Variants in PIK3C2G observed in about 807,000 individuals in gnomAD.
The protein encoded by PIK3C2G is phosphatidylinositol-4-phosphate 3-kinase catalytic subunit type 2 gamma.
Under a neutral mutation model 181.1 loss-of-function variants are expected in PIK3C2G, and 168 were observed. That is an observed-to-expected ratio of 0.93 (90% CI 0.82 to 1.05). PIK3C2G has a LOEUF of 1.05. Among genes scored for constraint, PIK3C2G ranks in the 50% least tolerant of loss-of-function variants. The probability of loss-of-function intolerance (pLI) is 0.00; values close to 1 mark genes in which losing one functional copy is unlikely to be tolerated. For missense variants in PIK3C2G, 1,869 were observed against 1,732.8 expected (o/e 1.08, Z -1.40); for synonymous variants, 573 against 592.2 (o/e 0.97, Z 0.47).
At chr12:18,536,135 A>T (rs1223447932) in intron 24 of PIK3C2G, among the ~76,000 whole-genome samples, 1 of 152,122 alleles carries the variant, frequency 6.6e-6, no homozygotes, top group Admixed American at 6.6e-5. Context: ...AAATTCAAAG[A>T]TCCACTTACG....
chr12:18,696,348 A>ATATATATATATATATATATC, the PIK3C2G span: 65 of 214,280 alleles, frequency 3.0e-4, 1 homozygote, highest in East Asian at 4.0e-3. Flanking sequence ...ATATATATAT[A>ATATATATATATATATATATC]TATCATATAA....
At position 18,615,758 on chromosome 12, in the gene PIK3C2G, C is replaced by G. The variant is rs775791746; in HGVS notation, c.4182+6129C>G. ...TCTCCATTGATTCATCTATGGGTTA[C>G]TTTGATTGGCTGCTATAATATTCCT... On this transcript the variant is annotated intron_variant, in intron 31 of 32. Transcript: ENST00000538779. Among the ~76,000 whole-genome samples the G allele has an allele frequency of 4.6e-5, 7 of 152,100 alleles. No individual in the cohort carries two copies. In the East Asian group the frequency reaches 1.4e-3, roughly 29 times the overall value.
At chr12:18,617,807 A>G (rs985281947) in intron 31 of PIK3C2G, among the ~76,000 whole-genome samples, 9 of 152,134 alleles carry the variant, frequency 5.9e-5, no homozygotes, top group Admixed American at 5.2e-4. Context: ...TAGCGGAGAC[A>G]TTACCTAGCT....
intron 5 of PIK3C2G, among the ~76,000 whole-genome samples, chr12:18,302,589 A>G (rs1004740592): frequency 1.3e-5 from 2 of 152,072 alleles, no homozygotes; most frequent in Admixed American, 1.3e-4. Context: ...GCACCAGTAG[A>G]AGCAGGCAGA....
chr12:18,352,276 A>T (rs1387872982), intron 11 of PIK3C2G, among the ~76,000 whole-genome samples: 1 of 152,248 alleles, frequency 6.6e-6, no homozygotes, highest in Non-Finnish European at 1.5e-5. Flanking sequence ...AGAAGTGAGT[A>T]TACTTCAGTG....
chr12:18,273,029 C>T (rs1049229645), intron 1 of PIK3C2G, among the ~76,000 whole-genome samples: 2 of 138,706 alleles, frequency 1.4e-5, no homozygotes, highest in Non-Finnish European at 3.3e-5. Context: ...CACACAAACA[C>T]ACACACACAG....
At chr12:18,469,002 T>G (rs1222442872) in intron 18 of PIK3C2G, among the ~76,000 whole-genome samples, 1 of 152,128 alleles carries the variant, frequency 6.6e-6, no homozygotes, top group African/African-American at 2.4e-5. Context: ...CATGATTTTA[T>G]TCCTCTGAAA....
chr12:18,521,255 G>A (rs11533465), intron 24 of PIK3C2G, among the ~76,000 whole-genome samples: 17 of 152,314 alleles, frequency 1.1e-4, no homozygotes, highest in Middle Eastern at 6.8e-3. Flanking sequence ...CTCGTTTAAC[G>A]AAGCACTTTG....
At chr12:18,362,557 A>T (rs1941330753) in intron 11 of PIK3C2G, among the ~76,000 whole-genome samples, 1 of 152,212 alleles carries the variant, frequency 6.6e-6, no homozygotes, top group Admixed American at 6.5e-5. Flanking sequence ...TTTTCTCTCC[A>T]TGAATAAAGG....
intron 1 of PIK3C2G, among the ~76,000 whole-genome samples, chr12:18,263,375 C>A (rs1240157895): frequency 1.3e-5 from 2 of 152,146 alleles, no homozygotes; most frequent in South Asian, 4.1e-4. Context: ...CATAAGCCAT[C>A]TTGTCCTTAT....
chr12:18,441,035 CAA>C (rs1305756976), intron 18 of PIK3C2G, among the ~76,000 whole-genome samples: 2 of 151,950 alleles, frequency 1.3e-5, no homozygotes, highest in African/African-American at 2.4e-5. Context: ...TTTTAAAAAT[CAA>C]AGAGATAAAG....
At chr12:18,428,863 T>C (rs1204572694) in intron 18 of PIK3C2G, among the ~76,000 whole-genome samples, 1 of 152,168 alleles carries the variant, frequency 6.6e-6, no homozygotes, top group African/African-American at 2.4e-5. Flanking sequence ...TTGGAGCTTA[T>C]GCCCAGGAGG....
chr12:18,642,057 A>T (rs1949870169), intron 32 of PIK3C2G, among the ~76,000 whole-genome samples: 1 of 151,946 alleles, frequency 6.6e-6, no homozygotes, highest in Non-Finnish European at 1.5e-5. Flanking sequence ...CCTCTGTCAC[A>T]CTTCTACCTG....
intron 24 of PIK3C2G, among the ~76,000 whole-genome samples, chr12:18,525,889 A>G (rs911342565): frequency 6.6e-6 from 1 of 152,190 alleles, no homozygotes; most frequent in Non-Finnish European, 1.5e-5. Context: ...TCAAAATATC[A>G]TATATCAGTC....
intron 16 of PIK3C2G, among the ~76,000 whole-genome samples, chr12:18,419,253 T>C (rs533078482): frequency 6.6e-6 from 1 of 152,290 alleles, no homozygotes; most frequent in Admixed American, 6.5e-5. Flanking sequence ...GTTGTGATGT[T>C]CCTTTTATAC....
At chr12:18,322,707 T>C (rs2137474772) in intron 7 of PIK3C2G, among the ~76,000 whole-genome samples, 1 of 152,292 alleles carries the variant, frequency 6.6e-6, no homozygotes, top group East Asian at 1.9e-4. Context: ...TATTGTGTTT[T>C]TCCATTGCCC....
At chr12:18,619,313 G>T (rs1219150034) in intron 31 of PIK3C2G, among the ~76,000 whole-genome samples, 1 of 151,786 alleles carries the variant, frequency 6.6e-6, no homozygotes, top group Non-Finnish European at 1.5e-5. Context: ...TATCACCAGA[G>T]AAAATATCCT....
intron 31 of PIK3C2G, among the ~76,000 whole-genome samples, chr12:18,619,323 T>G (rs1948741925): frequency 6.6e-6 from 1 of 151,928 alleles, no homozygotes; most frequent in African/African-American, 2.4e-5. Context: ...GAAAATATCC[T>G]CTGCAGCAAA....
At chr12:18,460,824 A>C (rs1463583107) in intron 18 of PIK3C2G, among the ~76,000 whole-genome samples, 1 of 151,936 alleles carries the variant, frequency 6.6e-6, no homozygotes, top group Non-Finnish European at 1.5e-5. Context: ...CAGATCCTGG[A>C]CACCGTATTA....
Sources: gnomAD v4.1 joint callset for allele counts (sites outside exome capture counted in the v4.1 genomes callset) on GRCh38, gnomAD v4.1.1 for gene constraint, MANE v1.5 for transcripts, NCBI Gene and HGNC (gene_info 2026-07-23, HGNC 2026-07-21) for gene names.